The following PHF20 variants were observed in gnomAD, a reference collection of about 807,000 sequenced individuals.
PHF20 encodes glioma-expressed antigen 2.
PHF20 carries 23 observed loss-of-function variants against 113.5 expected under a neutral mutation model. The observed-to-expected ratio is 0.20, with a 90% confidence interval of 0.15 to 0.29. The LOEUF (loss-of-function observed/expected upper bound fraction) is 0.29. Ranked by LOEUF, PHF20 falls within the 10% of genes least tolerant of loss-of-function variation. The probability of loss-of-function intolerance (pLI) is 1.00; values close to 1 mark genes in which losing one functional copy is unlikely to be tolerated. For missense variants in PHF20, 943 were observed against 1,219.6 expected, an observed-to-expected ratio of 0.77 and a Z score of 3.38; for synonymous variants, 434 against 457.3, an observed-to-expected ratio of 0.95 and a Z score of 0.65.
chr20:35,807,911 C>T (rs530642427), intron 2 of PHF20, among the ~76,000 whole-genome samples: 1 of 151,908 alleles, frequency 6.6e-6, no homozygotes, highest in East Asian at 1.9e-4. Context: ...GATTATATAC[C>T]TACATTTATG....
At chr20:35,799,231 G>A (rs1474099048) in intron 1 of PHF20, among the ~76,000 whole-genome samples, 2 of 149,280 alleles carry the variant, frequency 1.3e-5, no homozygotes, top group African/African-American at 5.0e-5. Flanking sequence ...AGGCCCAGGC[G>A]GGAGGATTGC....
intron 15 of PHF20, among the ~76,000 whole-genome samples, chr20:35,933,024 T>C (rs781599993): frequency 2.0e-5 from 3 of 152,322 alleles, no homozygotes; most frequent in Non-Finnish European, 2.9e-5. Context: ...TATGTAAGAA[T>C]TTCCTCCCTT....
chr20:35,839,390 C>CAAAAAAA, intron 2 of PHF20, among the ~76,000 whole-genome samples: 1 of 67,922 alleles, frequency 1.5e-5, no homozygotes, highest in Non-Finnish European at 3.1e-5. Context: ...GATTCCATCT[C>CAAAAAAA]AAAAAAAAAA....
At chr20:35,860,084 A>C (rs2054191282) in intron 5 of PHF20, among the ~76,000 whole-genome samples, 1 of 151,848 alleles carries the variant, frequency 6.6e-6, no homozygotes, top group African/African-American at 2.4e-5. Context: ...ACGCCTGGCT[A>C]ATTTTTGTAT....
At chr20:35,802,196 G>T (rs1016330648) in intron 2 of PHF20, among the ~76,000 whole-genome samples, 1 of 152,022 alleles carries the variant, frequency 6.6e-6, no homozygotes, top group African/African-American at 2.4e-5. Context: ...GACCTCATAG[G>T]GTTATTCTGA....
At chr20:35,791,146 C>G (rs527747003) in intron 1 of PHF20, among the ~76,000 whole-genome samples, 33 of 152,246 alleles carry the variant, frequency 2.2e-4, no homozygotes, top group African/African-American at 6.5e-4. Context: ...CGTGAGCCAC[C>G]GCGTCCGGCC....
intron 2 of PHF20, among the ~76,000 whole-genome samples, chr20:35,819,169 G>A (rs562187791): frequency 6.6e-6 from 1 of 152,162 alleles, no homozygotes; most frequent in African/African-American, 2.4e-5. Flanking sequence ...GACCTCAGGT[G>A]ATCTGCCCGC....
intron 6 of PHF20, among the ~76,000 whole-genome samples, chr20:35,865,658 A>G (rs915951807): frequency 6.6e-6 from 1 of 151,856 alleles, no homozygotes; most frequent in African/African-American, 2.4e-5. Flanking sequence ...ACATGCCACC[A>G]TGCCCAGCTA....
At chr20:35,774,696 C>G (rs1421984723) in intron 1 of PHF20, 5 of 152,206 alleles carry the variant, frequency 3.3e-5, no homozygotes, top group African/African-American at 1.2e-4. Flanking sequence ...ACTACACTTT[C>G]AGGATCAAGC....
chr20:35,871,836 AT>A lies in PHF20; in HGVS notation c.1282+10del. On this transcript the variant is annotated splice_region_variant and intron_variant, in intron 9 of 17. Coordinates refer to ENST00000374012, the MANE Select transcript of PHF20 (RefSeq NM_016436.5). ...GAGATTTCGACTGTGGAAGGTTCAT[AT>A]TTAGAGTTAAATTAATCCTCTTTTT... 1 of 1,584,266 alleles carries A rather than the reference AT, an allele frequency of 6.3e-7. No homozygotes were observed. Among genetic ancestry groups the A allele is most frequent in the Non-Finnish European group, 8.6e-7 (1 of 1,162,486 alleles).
At chr20:35,903,565 A>G (rs2055144053) in intron 10 of PHF20, among the ~76,000 whole-genome samples, 1 of 152,094 alleles carries the variant, frequency 6.6e-6, no homozygotes, top group African/African-American at 2.4e-5. Flanking sequence ...CCCCATCCAC[A>G]TGTCAAGTGG....
At chr20:35,789,858 CCCCCCT>C (rs2041506005) in intron 1 of PHF20, among the ~76,000 whole-genome samples, 4 of 123,722 alleles carry the variant, frequency 3.2e-5, no homozygotes, top group African/African-American at 8.9e-5. Flanking sequence ...CGCCCCCCCC[CCCCCCT>C]TTTTTTTTAT....
At chr20:35,784,123 G>A (rs1419785020) in intron 1 of PHF20, among the ~76,000 whole-genome samples, 1 of 144,144 alleles carries the variant, frequency 6.9e-6, no homozygotes, top group African/African-American at 2.6e-5. Context: ...GCACAATCTC[G>A]GTTCACTGCA....
intron 1 of PHF20, among the ~76,000 whole-genome samples, chr20:35,788,996 G>A (rs1391680537): frequency 6.6e-6 from 1 of 152,186 alleles, no homozygotes; most frequent in Non-Finnish European, 1.5e-5. Flanking sequence ...GGCAGTTTCA[G>A]CATAGAGTGA....
At chr20:35,938,634 T>C (rs1407442912) in intron 15 of PHF20, 63 bp from the exon 16 acceptor site, 3 of 1,484,452 alleles carry the variant, frequency 2.0e-6, no homozygotes, top group East Asian at 2.3e-5. Flanking sequence ...TATTTAGGAA[T>C]TGAGAACCCC....
intron 6 of PHF20, among the ~76,000 whole-genome samples, chr20:35,864,074 A>G (rs2054268386): frequency 1.3e-5 from 2 of 152,158 alleles, no homozygotes; most frequent in Admixed American, 6.6e-5. Context: ...CGTTCTCCAA[A>G]TCAATTCAAT....
chr20:35,870,550 C>T (rs1379260351), intron 7 of PHF20, among the ~76,000 whole-genome samples: 4 of 151,736 alleles, frequency 2.6e-5, no homozygotes, highest in African/African-American at 9.7e-5. Context: ...AGTGAGTTGG[C>T]TCAAATGTTT....
chr20:35,947,343 C>G, intron 17 of PHF20, 142 bp from the exon 18 acceptor site: 2 of 726,290 alleles, frequency 2.8e-6, no homozygotes, highest in Non-Finnish European at 4.3e-6. Flanking sequence ...ATGGCCCTTC[C>G]TCCCTTGCCC....
At chr20:35,929,429 A>G (rs2055707640) in intron 14 of PHF20, among the ~76,000 whole-genome samples, 2 of 152,388 alleles carry the variant, frequency 1.3e-5, no homozygotes, top group South Asian at 4.1e-4. Flanking sequence ...AACAAACACA[A>G]GTCCAGAAGG....
Sources: allele counts gnomAD v4.1 joint callset (sites outside exome capture counted in the v4.1 genomes callset), GRCh38; gene constraint gnomAD v4.1.1; transcripts MANE v1.5; gene names NCBI Gene and HGNC (gene_info 2026-07-23, HGNC 2026-07-21).